ERG: variants seen among roughly 807,000 people sequenced by gnomAD.
ERG encodes the protein ETS transcription factor ERG.
Under a neutral mutation model 55.3 loss-of-function variants are expected in ERG, and 9 were observed. That is an observed-to-expected ratio of 0.16 (90% CI 0.10 to 0.28). The LOEUF is 0.28. Ranked by LOEUF, ERG falls within the 10% of genes least tolerant of loss-of-function variation. The pLI, the probability that ERG is intolerant of heterozygous loss-of-function variation, is 1.00. For missense variants in ERG, 434 were observed against 631.6 expected (o/e 0.69, Z 3.35); for synonymous variants, 223 against 237.3 (o/e 0.94, Z 0.55).
chr21:38,519,391 G>A (rs1260277087), intron 2 of ERG, among the ~76,000 whole-genome samples: 1 of 152,186 alleles, frequency 6.6e-6, no homozygotes, highest in Non-Finnish European at 1.5e-5. Context: ...CAGTCACGCA[G>A]CACCGGTAGC....
chr21:38,654,936 A>ATCT (rs58970313), intron 1 of ERG, among the ~76,000 whole-genome samples: 16,348 of 152,128 alleles, frequency 0.11, 2,313 homozygotes, highest in African/African-American at 0.33. Context: ...AACATATGAA[A>ATCT]TCTTAGAATG....
intron 1 of ERG, among the ~76,000 whole-genome samples, chr21:38,495,790 GCACA>G (rs2059374463): frequency 6.6e-6 from 1 of 152,124 alleles, no homozygotes; most frequent in South Asian, 2.1e-4. Flanking sequence ...CCTAACTGAA[GCACA>G]ATCGAGTTTT....
rs778374629 is a variant in ERG at position 38,632,238 on chromosome 21, T to TA, written c.-150+29419dup. ...GGGCACAGTAAAAGTGCATCCTCAT[T>TA]AAAAAAATGGTCTACAAGCATATGA... On this transcript the variant is annotated intron_variant, in intron 1 of 10. Coordinates refer to the ERG transcript ENST00000398910. Among the ~76,000 whole-genome samples, 13 of 152,080 alleles carry TA rather than the reference T, an allele frequency of 8.5e-5. No homozygotes were observed. In the South Asian group the frequency reaches 1.0e-3, roughly 12 times the overall value.
intron 6 of ERG, among the ~76,000 whole-genome samples, chr21:38,397,404 C>T (rs1003414659): frequency 6.6e-6 from 1 of 151,840 alleles, no homozygotes; most frequent in African/African-American, 2.4e-5. Flanking sequence ...TCAAGACCAT[C>T]CTGACCAATA....
intron 2 of ERG, among the ~76,000 whole-genome samples, chr21:38,441,620 G>A (rs1039333043): frequency 2.0e-5 from 3 of 152,214 alleles, no homozygotes; most frequent in Non-Finnish European, 2.9e-5. Context: ...AGCTCTGGGG[G>A]AGACGGGCAT....
intron 2 of ERG, among the ~76,000 whole-genome samples, chr21:38,509,181 G>A (rs1455226058): frequency 6.6e-6 from 1 of 152,176 alleles, no homozygotes. Context: ...TTAAGCCACT[G>A]AGTCCTGCAG....
At chr21:38,583,114 C>T (rs1216720930) in intron 1 of ERG, among the ~76,000 whole-genome samples, 1 of 152,178 alleles carries the variant, frequency 6.6e-6, no homozygotes. Context: ...GAATCCATTC[C>T]TTGAAAGCAT....
At chr21:38,477,943 C>A (rs946283110) in intron 1 of ERG, among the ~76,000 whole-genome samples, 1 of 152,200 alleles carries the variant, frequency 6.6e-6, no homozygotes, top group African/African-American at 2.4e-5. Context: ...GGTTTTAGTG[C>A]AATCTTCATG....
chr21:38,601,929 T>G (rs2060166803), intron 1 of ERG, among the ~76,000 whole-genome samples: 1 of 152,206 alleles, frequency 6.6e-6, no homozygotes, highest in Non-Finnish European at 1.5e-5. Context: ...TTGCCCAGGC[T>G]GGAGTGCAGT....
chr21:38,373,432 C>A, the ERG span, among the ~76,000 whole-genome samples: 2 of 152,166 alleles, frequency 1.3e-5, no homozygotes, highest in Admixed American at 6.5e-5. Flanking sequence ...ATAATGCCTA[C>A]AATAGGCATA....
At chr21:38,639,259 C>T (rs941433930) in intron 1 of ERG, among the ~76,000 whole-genome samples, 16 of 152,154 alleles carry the variant, frequency 1.1e-4, no homozygotes, top group South Asian at 4.2e-4. Context: ...TGAAGAGCAT[C>T]CAAGGTCCAC....
chr21:38,489,633 A>G (rs2059317730), intron 1 of ERG, among the ~76,000 whole-genome samples: 1 of 152,270 alleles, frequency 6.6e-6, no homozygotes, highest in Admixed American at 6.5e-5. Context: ...AGGAGTTCAC[A>G]CAAGACAAAG....
chr21:38,400,632 A>G lies in ERG; in HGVS notation c.687T>C (p.Phe229=). ...GATATACTGAAGTATTTGGGAAAAT[A>G]AAAGCTGCACCCCCTGCAGACAAAA... ...MHARNTGGAA[F]IFPNTSVYPE... The change falls in exon 6 of 10, where the codon TTT becomes TTC. Residue 229 remains phenylalanine, a synonymous_variant. Coordinates refer to ENST00000288319, the MANE Select transcript of ERG (RefSeq NM_182918.4). The G allele has an allele frequency of 1.2e-6, 2 of 1,605,078 alleles. No homozygotes were observed. Among genetic ancestry groups the G allele is most frequent in the Non-Finnish European group, 1.7e-6 (2 of 1,172,420 alleles).
At chr21:38,377,220 T>C (rs1007671485), downstream of ERG, among the ~76,000 whole-genome samples, 1 of 152,244 alleles carries the variant, frequency 6.6e-6, no homozygotes, top group Non-Finnish European at 1.5e-5. Flanking sequence ...CACTAAGCTA[T>C]TATTATTATC....
chr21:38,445,648 C>G (rs1372038992), intron 1 of ERG, 27 bp from the exon 2 acceptor site: 1 of 1,576,306 alleles, frequency 6.3e-7, no homozygotes. Context: ...ACACATAATT[C>G]AAGACACTCC....
At chr21:38,527,643 C>T (rs1343989138) in intron 2 of ERG, among the ~76,000 whole-genome samples, 3 of 152,088 alleles carry the variant, frequency 2.0e-5, no homozygotes, top group Non-Finnish European at 2.9e-5. Flanking sequence ...CTCTCTTACA[C>T]GGAGGCCAAA....
intron 2 of ERG, among the ~76,000 whole-genome samples, chr21:38,431,312 C>T (rs1990198321): frequency 6.6e-6 from 1 of 152,134 alleles, no homozygotes; most frequent in Admixed American, 6.5e-5. Context: ...CTGGAAACCA[C>T]TTGGATGAAC....
chr21:38,385,912 A>G (rs1027253106), intron 9 of ERG, among the ~76,000 whole-genome samples: 10 of 152,192 alleles, frequency 6.6e-5, no homozygotes, highest in African/African-American at 2.4e-4. Flanking sequence ...CTTCAATATA[A>G]ACACATACGG....
intron 1 of ERG, among the ~76,000 whole-genome samples, chr21:38,600,851 T>C (rs1018227825): frequency 2.0e-5 from 3 of 152,136 alleles, no homozygotes; most frequent in African/African-American, 4.8e-5. Flanking sequence ...GAGACATCCC[T>C]TGAGACTTCA....
Sources: allele counts gnomAD v4.1 joint callset (sites outside exome capture counted in the v4.1 genomes callset), GRCh38; gene constraint gnomAD v4.1.1; transcripts MANE v1.5; gene names NCBI Gene and HGNC (gene_info 2026-07-23, HGNC 2026-07-21).